Variants in HM13 observed in about 807,000 individuals in gnomAD.
HM13 encodes signal peptide peptidase.
HM13 carries 18 observed loss-of-function variants against 50.0 expected under a neutral mutation model. The ratio of observed to expected loss-of-function variants is 0.36; its 90% CI spans 0.25 to 0.53. The LOEUF is 0.53. HM13 is among the 20% of genes least tolerant of loss of function. The probability of loss-of-function intolerance (pLI) is 0.90; values close to 1 mark genes in which losing one functional copy is unlikely to be tolerated. For synonymous variants in HM13, 197 were observed against 232.6 expected (o/e 0.85, Z 1.39); for missense variants, 393 against 552.4 (o/e 0.71, Z 2.89).
chr20:31,553,165 G>A (rs746430405), intron 7 of HM13, among the ~76,000 whole-genome samples: 9 of 144,184 alleles, frequency 6.2e-5, no homozygotes, highest in Admixed American at 3.4e-4. Context: ...GCATGGTGGC[G>A]CATGCCTGTA....
In HM13 at chr20:31,527,591, T is replaced by C. The variant is rs779376948; in HGVS notation, c.282+9T>C. The stretch of plus-strand genomic sequence containing the variant: ...TCTACCTCTTTTTCAAAGTAAGTCT[T>C]TTGCCACCTGTTGTGTCATTTGATC... On this transcript the variant is annotated intron_variant, in intron 2 of 12. Transcript: ENST00000398174. 8.8e-6 allele frequency: 14 copies of C among 1,583,342 alleles called. No homozygotes were observed. Among genetic ancestry groups the C allele is most frequent in the Middle Eastern group, 1.7e-4 (1 of 6,012 alleles).
Position 31,568,058 on chromosome 20 carries a change from CT to C in HM13, c.1035-18del. 1.3e-6 allele frequency: 2 copies of C among 1,571,000 alleles called. No homozygotes were observed. Among genetic ancestry groups the C allele is most frequent in the Non-Finnish European group, 1.7e-6 (2 of 1,157,212 alleles). On this transcript the variant is annotated intron_variant, in intron 11 of 12. Coordinates refer to ENST00000398174, the MANE Select transcript of HM13 (RefSeq NM_178581.3). ...CCTATCCATCTCTTTTTTTCTGTCT[CT>C]TCTCTCTCTCTCACACAGCTACGAG...
At chr20:31,541,506 A>AG (rs1983450531) in intron 3 of HM13, 1 of 141,828 alleles carries the variant, frequency 7.1e-6, no homozygotes, top group Admixed American at 7.0e-5. Context: ...AAAAAAAAAA[A>AG]GAATAATGGA....
intron 12 of HM13, 32 bp from the exon 13 acceptor site, chr20:31,569,088 A>G (rs755172881): frequency 2.7e-6 from 4 of 1,457,446 alleles, no homozygotes; most frequent in South Asian, 1.2e-5. Flanking sequence ...CTCTAAATGA[A>G]TTTTTATTGT....
In HM13 at chr20:31,542,766, G is replaced by T. The variant is rs577708581; in HGVS notation, c.366-2181G>T. ...TACTTGAAGTTGAAGCTGCAGTTAA[G>T]TTTATAGGGTGCCAAGTGCTCATTT... On this transcript the variant is annotated intron_variant, in intron 3 of 12. Transcript: ENST00000398174. Among the ~76,000 whole-genome samples the T allele has an allele frequency of 2.0e-5, 3 of 152,268 alleles. No individual in the cohort carries two copies. The East Asian group carries it at 5.8e-4, about 29-fold the overall frequency.
intron 12 of HM13, 102 bp from the exon 13 acceptor site, chr20:31,569,018 A>G (rs1985103446): frequency 2.6e-6 from 2 of 774,404 alleles, no homozygotes; most frequent in Non-Finnish European, 4.2e-6. Context: ...GCATGTGACC[A>G]GGCGCTTTCC....
At position 31,514,462 on chromosome 20, in the gene HM13, A is replaced by T; in HGVS notation, c.-90A>T. On this transcript the variant is annotated 5_prime_UTR_variant, in exon 1 of 13. Transcript: ENST00000398174. This position sits in a 1 kb window ranked among gnomAD's most constrained non-coding sequence, Gnocchi z 4.3. ...ACGTCACTTCCTGTTGCCTTAGGGGAACGTGGCTTTCCCTGCAGAGCCGGT... is the reference window on the plus strand; with the variant it reads ...ACGTCACTTCCTGTTGCCTTAGGGGTACGTGGCTTTCCCTGCAGAGCCGGT... The T allele has an allele frequency of 2.1e-6, 3 of 1,399,382 alleles. No homozygotes were observed. Among genetic ancestry groups the T allele is most frequent in the Non-Finnish European group, 2.9e-6 (3 of 1,030,024 alleles). The allele number at this position is 1,399,382 out of a possible 1,614,324, so 86.7% of individuals were successfully genotyped here.
chr20:31,561,879 C>A, intron 10 of HM13, 143 bp downstream of exon 10: 1 of 679,718 alleles, frequency 1.5e-6, no homozygotes, highest in Non-Finnish European at 2.7e-6. Context: ...ATTCTCTTGG[C>A]CTTCCATTTG....
intron 2 of HM13, among the ~76,000 whole-genome samples, chr20:31,532,633 A>C (rs1350753936): frequency 6.6e-6 from 1 of 152,126 alleles, no homozygotes; most frequent in African/African-American, 2.4e-5. Context: ...TGTTTCTTAT[A>C]AAATATGTAG....
At chr20:31,527,359 T>A in intron 1 of HM13, 125 bp from the exon 2 acceptor site, 2 of 647,536 alleles carry the variant, frequency 3.1e-6, no homozygotes, top group Non-Finnish European at 5.3e-6. Flanking sequence ...AATGGCAAGA[T>A]CAGAGCATCT....
chr20:31,527,135 C>T (rs1418311716), intron 1 of HM13, among the ~76,000 whole-genome samples: 1 of 152,124 alleles, frequency 6.6e-6, no homozygotes, highest in Non-Finnish European at 1.5e-5. Flanking sequence ...GAGGTCAGTT[C>T]GAGACCAGCC....
chr20:31,549,088 G>T lies in HM13; in HGVS notation c.514G>T (p.Val172Phe), dbSNP rs374785220. The stretch of plus-strand genomic sequence containing the variant: ...GGTGTGCCTGGGCCTGAGCAGCATC[G>T]TTGGCGTCTGGTACCTGCTGAGGAA... ...DLVCLGLSSI[V>F]GVWYLLRKHW... is the part of the protein sequence containing the mutation. The change falls in exon 5 of 13, where the codon GTT becomes TTT. Residue 172 changes from valine to phenylalanine, a missense_variant. Transcript: ENST00000398174. 1 of 1,613,960 alleles carries T rather than the reference G, an allele frequency of 6.2e-7. No homozygotes were observed.
At chr20:31,546,709 C>G (rs1983740443) in intron 4 of HM13, among the ~76,000 whole-genome samples, 1 of 150,840 alleles carries the variant, frequency 6.6e-6, no homozygotes, top group Non-Finnish European at 1.5e-5. Flanking sequence ...GAGCCGAAAT[C>G]GCGCCACTGC....
At chr20:31,538,687 T>G (rs1157703633) in intron 3 of HM13, 23 of 1,074,406 alleles carry the variant, frequency 2.1e-5, no homozygotes, top group Non-Finnish European at 2.5e-5. Flanking sequence ...GAGCGTGGGC[T>G]CTGGCATTTG....
intron 2 of HM13, among the ~76,000 whole-genome samples, chr20:31,534,080 A>G (rs1982973303): frequency 7.9e-6 from 1 of 126,884 alleles, no homozygotes; most frequent in South Asian, 2.1e-4. Flanking sequence ...GGGTCTTGCC[A>G]TGTTGCCTAT....
chr20:31,561,488 GT>G, intron 9 of HM13, 145 bp from the exon 10 acceptor site: 1 of 651,732 alleles, frequency 1.5e-6, no homozygotes, highest in Non-Finnish European at 2.8e-6. Flanking sequence ...CAGTATCAGC[GT>G]GCACACCCAC....
intron 9 of HM13, among the ~76,000 whole-genome samples, chr20:31,559,929 C>T (rs1984517317): frequency 6.6e-6 from 1 of 152,244 alleles, no homozygotes; most frequent in Non-Finnish European, 1.5e-5. Flanking sequence ...AGTGGCCTGA[C>T]CTTCCTGAGC....
chr20:31,558,383 C>G (rs1452922705), intron 8 of HM13, among the ~76,000 whole-genome samples: 1 of 152,154 alleles, frequency 6.6e-6, no homozygotes, highest in East Asian at 1.9e-4. Context: ...TCCAGTGCGT[C>G]TCTTCACTCA....
chr20:31,514,559 C>T lies in HM13; in HGVS notation c.8C>T (p.Ser3Leu), dbSNP rs970802635. Residue 3 changes from serine (S) to leucine (L), a missense_variant, in exon 1 of 13, where the codon TCG (serine) becomes TTG (leucine). By Grantham distance (145) the Ser-to-Leu change is moderately radical (BLOSUM62 -2). Coordinates refer to ENST00000398174, the MANE Select transcript of HM13 (RefSeq NM_178581.3). This position sits in a 1 kb window ranked among gnomAD's most constrained non-coding sequence, Gnocchi z 4.3. Reference sequence around the variant, plus strand: ...CCCGAACGCACCCTCGCCATGGACTCGGCCCTCAGCGATCCGCATAACGGC... The same window carrying T: ...CCCGAACGCACCCTCGCCATGGACTTGGCCCTCAGCGATCCGCATAACGGC... Reference protein sequence around the residue: MDSALSDPHNGSA... With the variant: MDLALSDPHNGSA... The T allele has an allele frequency of 3.7e-6, 6 of 1,605,620 alleles. No homozygotes were observed. Among genetic ancestry groups the T allele is most frequent in the Non-Finnish European group, 5.1e-6 (6 of 1,177,786 alleles).
Sources: gnomAD v4.1 joint callset for allele counts (sites outside exome capture counted in the v4.1 genomes callset) on GRCh38, gnomAD v4.1.1 for gene constraint, Gnocchi (gnomAD v3.1) non-coding constraint, MANE v1.5 for transcripts, NCBI Gene and HGNC (gene_info 2026-07-23, HGNC 2026-07-21) for gene names.